HEATR4: variants seen among roughly 807,000 people sequenced by gnomAD.
HEATR4 encodes the protein HEAT repeat containing 4.
Under a neutral mutation model 108.8 loss-of-function variants are expected in HEATR4, and 95 were observed. That is an observed-to-expected ratio of 0.87 (90% CI 0.74 to 1.04). The LOEUF is 1.04. HEATR4 is among the 50% of genes least tolerant of loss of function. The pLI is 0.00. For synonymous variants in HEATR4, 443 were observed against 459.4 expected (o/e 0.96, Z 0.46); for missense variants, 1,152 against 1,253.8 (o/e 0.92, Z 1.23).
the HEATR4 span, chr14:73,612,710 C>T: frequency 3.6e-6 from 5 of 1,390,530 alleles, no homozygotes; most frequent in Non-Finnish European, 9.3e-7. Context: ...CGCGCTCTTC[C>T]GGGCCCACGC....
chr14:73,564,099 G>A, the HEATR4 span, among the ~76,000 whole-genome samples: 10 of 151,848 alleles, frequency 6.6e-5, no homozygotes, highest in Non-Finnish European at 1.5e-4. Flanking sequence ...AGGAGTTTGA[G>A]ACCAGCCTGG....
chr14:73,522,920 A>G lies in HEATR4; in HGVS notation c.233T>C (p.Val78Ala). The change falls in exon 3 of 18, where the codon GTG becomes GCG. Residue 78 changes from valine (V) to alanine (A), a missense_variant. Transcript: ENST00000553558. ...AATGCTGGGCAGGCCTCGCTGCCAC[A>G]CCACCTCCTGAGAGAAGGTAAGGTT... The part of the protein sequence containing the change: ...AANLTFSQEV[V>A]WQRGLPSIPY... The G allele has an allele frequency of 6.2e-7, 1 of 1,614,194 alleles. No homozygotes were observed. Among genetic ancestry groups the G allele is most frequent in the Non-Finnish European group, 8.5e-7 (1 of 1,180,022 alleles).
intron 2 of HEATR4, among the ~76,000 whole-genome samples, chr14:73,523,820 GT>G (rs1888124858): frequency 6.6e-6 from 1 of 152,104 alleles, no homozygotes; most frequent in African/African-American, 2.4e-5. Flanking sequence ...TCATACCCAA[GT>G]TTATAAATTC....
At chr14:73,531,423 CTTTT>C (rs767285896) in intron 1 of HEATR4, among the ~76,000 whole-genome samples, 1 of 93,566 alleles carries the variant, frequency 1.1e-5, no homozygotes, top group African/African-American at 3.4e-5. Context: ...AGTTTTTCGT[CTTTT>C]TTTTTTTTTT....
chr14:73,609,930 C>T, the HEATR4 span, among the ~76,000 whole-genome samples: 3 of 151,954 alleles, frequency 2.0e-5, no homozygotes, highest in South Asian at 2.1e-4. Context: ...TGAGCCACCG[C>T]GCCTGGCCAG....
chr14:73,522,538 A>G lies in HEATR4; in HGVS notation c.615T>C (p.Thr205=), dbSNP rs947881816. Residue 205 remains threonine (T), a synonymous_variant, in exon 3 of 18, where the codon ACT becomes ACC. Transcript: ENST00000553558. Reference sequence around the variant, plus strand: ...TGCGCTCGTTCAGCTTTTCCAGCACAGTGGCCTCCCACGCTCTGGCCTCCT... The same window carrying G: ...TGCGCTCGTTCAGCTTTTCCAGCACGGTGGCCTCCCACGCTCTGGCCTCCT... ...PEKEARAWEA[T]VLEKLNERTA... 8 of 1,614,166 alleles carry G rather than the reference A, an allele frequency of 5.0e-6. No individual in the cohort carries two copies. The highest frequency in any genetic ancestry group is 6.8e-6 in the Non-Finnish European group (8 of 1,180,016).
the HEATR4 span, among the ~76,000 whole-genome samples, chr14:73,623,777 CCT>C: frequency 4.6e-5 from 7 of 152,050 alleles, no homozygotes; most frequent in African/African-American, 1.7e-4. Flanking sequence ...TTGGTGCAGT[CCT>C]CTCTGTGAGT....
intron 5 of HEATR4, chr14:73,517,198 T>TCCAGGTGCGTGCCACC (rs1281834339): frequency 6.6e-6 from 1 of 152,294 alleles, no homozygotes; most frequent in Non-Finnish European, 1.5e-5. Flanking sequence ...TGGCTGGGAC[T>TCCAGGTGCGTGCCACC]CCAGGTGCGT....
At chr14:73,483,519 C>T (rs1006415989) in intron 17 of HEATR4, among the ~76,000 whole-genome samples, 1 of 152,034 alleles carries the variant, frequency 6.6e-6, no homozygotes, top group East Asian at 1.9e-4. Flanking sequence ...CATGCCCCAA[C>T]CCTCAATTTA....
the HEATR4 span, among the ~76,000 whole-genome samples, chr14:73,585,289 G>A: frequency 4.6e-5 from 7 of 152,126 alleles, no homozygotes; most frequent in Admixed American, 6.5e-5. Flanking sequence ...ACCAGGGCTG[G>A]TGCTCCACCC....
the HEATR4 span, chr14:73,612,998 C>G: frequency 2.0e-6 from 2 of 987,360 alleles, no homozygotes; most frequent in Non-Finnish European, 2.8e-6. Context: ...GCGCGCGGGC[C>G]CGGTGCGCGC....
the HEATR4 span, among the ~76,000 whole-genome samples, chr14:73,610,362 C>T: frequency 1.1e-4 from 16 of 148,424 alleles, no homozygotes; most frequent in Admixed American, 8.8e-4. Context: ...GAGATCTCGG[C>T]TCACTGCAAT....
the HEATR4 span, among the ~76,000 whole-genome samples, chr14:73,588,815 T>C: frequency 1.7e-4 from 26 of 151,642 alleles, no homozygotes; most frequent in Admixed American, 3.3e-4. Context: ...ATTAAAAAGT[T>C]AAAAAAAAAT....
chr14:73,573,908 G>A, the HEATR4 span, among the ~76,000 whole-genome samples: 2 of 152,026 alleles, frequency 1.3e-5, no homozygotes, highest in African/African-American at 4.8e-5. Flanking sequence ...TGTATTTTTA[G>A]TGGAGGCGGG....
chr14:73,494,216 T>G (rs1049555152), intron 16 of HEATR4, among the ~76,000 whole-genome samples: 11 of 152,242 alleles, frequency 7.2e-5, no homozygotes, highest in African/African-American at 2.7e-4. Flanking sequence ...AAGTGCCTGA[T>G]GTACCAGAAA....
upstream of HEATR4, among the ~76,000 whole-genome samples, chr14:73,563,641 T>G (rs1197330660): frequency 6.6e-6 from 1 of 151,802 alleles, no homozygotes; most frequent in Non-Finnish European, 1.5e-5. Flanking sequence ...TGTAATGTAC[T>G]TAATATCATT....
the HEATR4 span, chr14:73,592,181 A>C: frequency 6.2e-7 from 1 of 1,607,276 alleles, no homozygotes; most frequent in South Asian, 1.1e-5. Context: ...GCTTCGCGGG[A>C]CTCGAGCCCA....
chr14:73,584,203 C>T, the HEATR4 span, among the ~76,000 whole-genome samples: 1 of 151,582 alleles, frequency 6.6e-6, no homozygotes, highest in Non-Finnish European at 1.5e-5. Flanking sequence ...CTATAAAGTC[C>T]TAGGATCACA....
At position 73,536,366 on chromosome 14, in the gene HEATR4, T is replaced by A. The variant is rs1324073436; in HGVS notation, c.-151-6122A>T. On this transcript the variant is annotated intron_variant, in intron 1 of 17. Transcript: ENST00000553558. ...TATGAAAAAGTAGAAAAAAGCCCAA[T>A]GCATGGGGAGCGCCGGTAGTCCCTT... Among the ~76,000 whole-genome samples the A allele has an allele frequency of 3.2e-4, 35 of 108,516 alleles. 12 individuals carry two copies. The highest frequency in any genetic ancestry group is 9.9e-5 in the Non-Finnish European group (5 of 50,720). 71.2% of individuals were successfully genotyped at this position (108,516 alleles called of 152,430 possible).
Sources: allele counts gnomAD v4.1 joint callset (sites outside exome capture counted in the v4.1 genomes callset), GRCh38; gene constraint gnomAD v4.1.1; transcripts MANE v1.5; gene names NCBI Gene and HGNC (gene_info 2026-07-23, HGNC 2026-07-21).